The following EPS8 variants were observed in gnomAD, a reference collection of about 807,000 sequenced individuals.
The protein encoded by EPS8 is EGFR pathway substrate 8, signaling adaptor.
EPS8 carries 42 observed loss-of-function variants against 103.8 expected under a neutral mutation model. That is an observed-to-expected ratio of 0.40 (90% CI 0.32 to 0.52). The LOEUF (loss-of-function observed/expected upper bound fraction) is 0.52. Among genes scored for constraint, EPS8 ranks in the 20% least tolerant of loss-of-function variants. EPS8 has a pLI of 0.40. For synonymous variants in EPS8, 344 were observed against 344.6 expected (o/e 1.00, Z 0.02); for missense variants, 969 against 1,005.1 (o/e 0.96, Z 0.49).
chr12:15,729,179 T>A (rs1202873134), intron 1 of EPS8, among the ~76,000 whole-genome samples: 2 of 152,266 alleles, frequency 1.3e-5, no homozygotes, highest in East Asian at 3.9e-4. Flanking sequence ...AATCTTCCCA[T>A]TGTCTTTGAA....
rs146709537 is a variant in EPS8 at position 15,775,697 on chromosome 12, A to C, written c.-22+13464T>G. Among the ~76,000 whole-genome samples, 236 of 152,212 alleles carry C rather than the reference A, an allele frequency of 1.6e-3. 1 individual carries two copies. Among genetic ancestry groups the C allele is most frequent in the African/African-American group, 5.4e-3 (226 of 41,572 alleles). ...CTGTTAAGTTTTTATGCTTCTTTTC[A>C]TTTAGGTGTCTAACATCACGCAGTC... On this transcript the variant is annotated intron_variant, in intron 1 of 20. Coordinates refer to ENST00000281172, the MANE Select transcript of EPS8 (RefSeq NM_004447.6).
At chr12:15,644,324 T>C (rs1190290803) in intron 15 of EPS8, among the ~76,000 whole-genome samples, 1 of 152,214 alleles carries the variant, frequency 6.6e-6, no homozygotes, top group African/African-American at 2.4e-5. Flanking sequence ...GAGGCATCTC[T>C]GGAGTCTCTC....
chr12:15,692,847 C>T (rs1273880798), intron 1 of EPS8, among the ~76,000 whole-genome samples: 1 of 151,782 alleles, frequency 6.6e-6, no homozygotes, highest in Non-Finnish European at 1.5e-5. Flanking sequence ...ATTTTTAGAA[C>T]CTAAAGCTTC....
In EPS8 at chr12:15,784,093, TGGCAA is replaced by T. The variant is rs2136058470; in HGVS notation, c.-22+5063_-22+5067del. Among the ~76,000 whole-genome samples the T allele has an allele frequency of 1.3e-5, 2 of 152,244 alleles. No individual in the cohort carries two copies. The highest frequency in any genetic ancestry group is 4.1e-4 in the South Asian group (2 of 4,830). On this transcript the variant is annotated intron_variant, in intron 1 of 20. Transcript: ENST00000281172. The surrounding 1 kb of genome is among the most constrained non-coding windows in gnomAD (Gnocchi z 4.0). Reference sequence around the variant, plus strand: ...ACACAGGATAAAATCTATGTAGCCTTGGCAATGAGTTTTCAAATATAACACAAAAG... The same window carrying T: ...ACACAGGATAAAATCTATGTAGCCTTTGAGTTTTCAAATATAACACAAAAG...
In EPS8 at chr12:15,716,765, T is replaced by C. The variant is rs1946537189; in HGVS notation, c.-21-33793A>G. 6.6e-6 allele frequency among the ~76,000 whole-genome samples: 1 copy of C among 152,172 alleles called. No homozygotes were observed. The highest frequency in any genetic ancestry group is 2.1e-4 in the South Asian group (1 of 4,834). ...AGATCCAAAATGATGTGAGGTCACT[T>C]ACATAAATTGTTAGGACAACCAAGC... On this transcript the variant is annotated intron_variant, in intron 1 of 20. Coordinates refer to ENST00000281172, the MANE Select transcript of EPS8 (RefSeq NM_004447.6). The surrounding 1 kb of genome is among the most constrained non-coding windows in gnomAD (Gnocchi z 5.0).
In EPS8 at chr12:15,714,084, C is replaced by A. The variant is rs908099355; in HGVS notation, c.-21-31112G>T. Among the ~76,000 whole-genome samples, 8 of 151,826 alleles carry A rather than the reference C, an allele frequency of 5.3e-5. No individual in the cohort carries two copies. Among genetic ancestry groups the A allele is most frequent in the Middle Eastern group, 3.4e-3 (1 of 294 alleles). On this transcript the variant is annotated intron_variant, in intron 1 of 20. Coordinates refer to ENST00000281172, the MANE Select transcript of EPS8 (RefSeq NM_004447.6). This position sits in a 1 kb window ranked among gnomAD's most constrained non-coding sequence, Gnocchi z 4.1. ...GATTTCTTTGGGTAGAAAAACCAAA[C>A]CAAAACAAAACAAAACAAAAAACAA...
In EPS8 at chr12:15,724,769, G is replaced by A. The variant is rs112557006; in HGVS notation, c.-21-41797C>T. Among the ~76,000 whole-genome samples the A allele has an allele frequency of 3.3e-5, 5 of 151,926 alleles. 1 individual carries two copies. Among genetic ancestry groups the A allele is most frequent in the Middle Eastern group, 6.3e-3 (2 of 316 alleles). On this transcript the variant is annotated intron_variant, in intron 1 of 20. Transcript: ENST00000281172. ...CCTTTCACTTGGCTCTCATTCTCTC[G>A]TACCTGCCACCATGTAAGACATGCC... is the stretch of plus-strand genomic sequence containing the variant.
intron 1 of EPS8, among the ~76,000 whole-genome samples, chr12:15,740,170 C>A (rs1177156947): frequency 6.6e-6 from 1 of 151,998 alleles, no homozygotes; most frequent in Non-Finnish European, 1.5e-5. Context: ...CATAAAGGAC[C>A]AAATCTCTAT....
Position 15,631,475 on chromosome 12 carries a change from C to T in EPS8, c.2011G>A (p.Asp671Asn). ...GGAAGTTGTTTGTGTCTCTGGCTGT[C>T]TCGCACGATACTGCCACCACTGTCA... is the stretch of plus-strand genomic sequence containing the variant. ...SSDSGGSIVR[D>N]SQRHKQLPVD... Residue 671 changes from aspartate (D) to asparagine (N), a missense_variant, in exon 18 of 21, where the codon GAC (aspartate) becomes AAC (asparagine). Physicochemically the swap from Asp to Asn is conservative, Grantham distance 23 (BLOSUM62 1). Transcript: ENST00000281172. The T allele has an allele frequency of 6.2e-7, 1 of 1,614,024 alleles. No homozygotes were observed. The highest frequency in any genetic ancestry group is 8.5e-7 in the Non-Finnish European group (1 of 1,179,944).
intron 1 of EPS8, among the ~76,000 whole-genome samples, chr12:15,750,569 A>C (rs1384341173): frequency 6.6e-6 from 1 of 152,202 alleles, no homozygotes; most frequent in Non-Finnish European, 1.5e-5. Flanking sequence ...TGAATCTGAC[A>C]CCTGGAAATA....
At chr12:15,730,811 T>G (rs1213288918) in intron 1 of EPS8, among the ~76,000 whole-genome samples, 2 of 152,096 alleles carry the variant, frequency 1.3e-5, no homozygotes, top group African/African-American at 4.8e-5. Context: ...CCATAATAAC[T>G]ATGTCCTCAA....
At chr12:15,665,119 T>A (rs1945684797) in intron 8 of EPS8, 1 of 152,096 alleles carries the variant, frequency 6.6e-6, no homozygotes, top group African/African-American at 2.4e-5. Context: ...AGTTAGATAA[T>A]AAAAAATGGA....
intron 6 of EPS8, among the ~76,000 whole-genome samples, 169 bp from the exon 7 acceptor site, chr12:15,666,691 G>A (rs1481593484): frequency 1.3e-5 from 2 of 152,100 alleles, no homozygotes; most frequent in Admixed American, 6.5e-5. Context: ...TTTTATAATG[G>A]TGAACTATAT....
chr12:15,730,082 A>C lies in EPS8; in HGVS notation c.-21-47110T>G, dbSNP rs1245582522. The stretch of plus-strand genomic sequence containing the variant: ...GCTTCTGAAGTCCATCGTCACCTGG[A>C]ACCCTCTCCATTATATCAACTCCCA... On this transcript the variant is annotated intron_variant, in intron 1 of 20. Transcript: ENST00000281172. Among the ~76,000 whole-genome samples, 8 of 152,170 alleles carry C rather than the reference A, an allele frequency of 5.3e-5. 1 individual carries two copies. Among genetic ancestry groups the C allele is most frequent in the Non-Finnish European group, 8.8e-5 (6 of 68,022 alleles).
chr12:15,734,899 G>A lies in EPS8; in HGVS notation c.-21-51927C>T, dbSNP rs1407244660. Among the ~76,000 whole-genome samples the A allele has an allele frequency of 6.6e-6, 1 of 152,068 alleles. No individual in the cohort carries two copies. The highest frequency in any genetic ancestry group is 2.4e-5 in the African/African-American group (1 of 41,388). ...AATATGTAAGCTGGAAGGTAAGCAG[G>A]GCCAACTGCCATATCATTTCCATTT... On this transcript the variant is annotated intron_variant, in intron 1 of 20. Transcript: ENST00000281172. The surrounding 1 kb of genome is among the most constrained non-coding windows in gnomAD (Gnocchi z 4.1).
At chr12:15,658,672 A>T (rs1945550773) in intron 10 of EPS8, 87 bp from the exon 11 acceptor site, 1 of 895,694 alleles carries the variant, frequency 1.1e-6, no homozygotes, top group Non-Finnish European at 1.9e-6. Flanking sequence ...TTATGTCTGT[A>T]AAGTTTGAAG....
At position 15,778,606 on chromosome 12, in the gene EPS8, G is replaced by A. The variant is rs1450998678; in HGVS notation, c.-22+10555C>T. 6.6e-6 allele frequency among the ~76,000 whole-genome samples: 1 copy of A among 151,994 alleles called. No individual in the cohort carries two copies. The highest frequency in any genetic ancestry group is 1.5e-5 in the Non-Finnish European group (1 of 68,006). ...TAAGGACAACTCAATCTGAAGATAG[G>A]GTTTCAAAAATTCACATTCCTGGAT... On this transcript the variant is annotated intron_variant, in intron 1 of 20. Coordinates refer to ENST00000281172, the MANE Select transcript of EPS8 (RefSeq NM_004447.6). This position sits in a 1 kb window ranked among gnomAD's most constrained non-coding sequence, Gnocchi z 4.5.
chr12:15,775,091 A>G (rs1021769490), intron 1 of EPS8, among the ~76,000 whole-genome samples: 18 of 152,212 alleles, frequency 1.2e-4, no homozygotes, highest in African/African-American at 4.3e-4. Context: ...TGGCCCCACT[A>G]AAGAAGGAGT....
intron 1 of EPS8, among the ~76,000 whole-genome samples, chr12:15,694,329 G>A (rs1946214706): frequency 6.6e-6 from 1 of 152,028 alleles, no homozygotes; most frequent in Non-Finnish European, 1.5e-5. Flanking sequence ...CTGGTATTTT[G>A]GTAGTATATG....
Sources: allele counts gnomAD v4.1 joint callset (sites outside exome capture counted in the v4.1 genomes callset), GRCh38; gene constraint gnomAD v4.1.1; non-coding constraint Gnocchi (gnomAD v3.1); transcripts MANE v1.5; gene names NCBI Gene and HGNC (gene_info 2026-07-23, HGNC 2026-07-21).